Variants in PRR16 observed in about 807,000 individuals in gnomAD.
PRR16 encodes proline rich 16, also known as protein Largen.
A neutral mutation model predicts 18.2 loss-of-function variants in PRR16; 6 were observed. The observed-to-expected ratio is 0.33, with a 90% CI of 0.18 to 0.65. The LOEUF (loss-of-function observed/expected upper bound fraction) is 0.65. Among genes scored for constraint, PRR16 ranks in the 30% least tolerant of loss-of-function variants. The probability of loss-of-function intolerance (pLI) is 0.74; values close to 1 mark genes in which losing one functional copy is unlikely to be tolerated. For missense variants in PRR16, 412 were observed against 376.6 expected (o/e 1.09, Z -0.78); for synonymous variants, 151 against 147.8 (o/e 1.02, Z -0.16).
At chr5:120,692,025 G>A (rs1041510703), downstream of PRR16, among the ~76,000 whole-genome samples, 36 of 152,070 alleles carry the variant, frequency 2.4e-4, no homozygotes, top group African/African-American at 7.7e-4. Context: ...CATGATCTTA[G>A]GGCCAGTAAG....
intron 1 of PRR16, among the ~76,000 whole-genome samples, chr5:120,541,989 C>A (rs569586206): frequency 1.3e-5 from 2 of 151,768 alleles, no homozygotes; most frequent in African/African-American, 4.8e-5. Context: ...AGCAATATAG[C>A]TTCTTGATAC....
intron 1 of PRR16, among the ~76,000 whole-genome samples, chr5:120,603,263 A>G (rs1460559112): frequency 6.6e-6 from 1 of 152,018 alleles, no homozygotes. Context: ...TGTTCAAGAT[A>G]TGAGTTTGTT....
At chr5:120,704,223 AG>A in the PRR16 span, among the ~76,000 whole-genome samples, 3 of 152,230 alleles carry the variant, frequency 2.0e-5, no homozygotes, top group Non-Finnish European at 4.4e-5. Flanking sequence ...GATTCTGAGC[AG>A]ATAGTGCTAT....
At chr5:120,760,923 G>T in the PRR16 span, among the ~76,000 whole-genome samples, 1 of 151,874 alleles carries the variant, frequency 6.6e-6, no homozygotes, top group South Asian at 2.1e-4. Flanking sequence ...TTCTCTATTT[G>T]TATCCTGAGA....
chr5:120,724,681 C>T, the PRR16 span, among the ~76,000 whole-genome samples: 1 of 152,026 alleles, frequency 6.6e-6, no homozygotes, highest in African/African-American at 2.4e-5. Context: ...GTCACTCCTT[C>T]AGGGGACCTT....
chr5:120,668,058 A>G (rs1241787794), intron 1 of PRR16, among the ~76,000 whole-genome samples: 5 of 151,534 alleles, frequency 3.3e-5, no homozygotes, highest in African/African-American at 4.9e-5. Context: ...GTGGGATGTT[A>G]AAGTCTCCCA....
chr5:120,528,103 A>T (rs1298369790), intron 1 of PRR16, among the ~76,000 whole-genome samples: 1 of 152,200 alleles, frequency 6.6e-6, no homozygotes, highest in Non-Finnish European at 1.5e-5. Flanking sequence ...CCTGCCATGC[A>T]ATGTTGAACA....
At chr5:120,755,412 G>A in the PRR16 span, among the ~76,000 whole-genome samples, 3 of 151,846 alleles carry the variant, frequency 2.0e-5, no homozygotes, top group Non-Finnish European at 2.9e-5. Flanking sequence ...AGTCTCCAGA[G>A]TCTATTGTTG....
At chr5:120,699,332 C>G in the PRR16 span, among the ~76,000 whole-genome samples, 2 of 152,048 alleles carry the variant, frequency 1.3e-5, no homozygotes, top group Non-Finnish European at 2.9e-5. Context: ...CTGGTGGAAC[C>G]GCCGTCAATA....
At chr5:120,691,578 G>A (rs956337781), downstream of PRR16, among the ~76,000 whole-genome samples, 2 of 151,996 alleles carry the variant, frequency 1.3e-5, no homozygotes, top group African/African-American at 4.8e-5. Context: ...TGTTTCATTT[G>A]TGAATTTCAT....
At chr5:120,754,155 T>TATATAATATATAA in the PRR16 span, among the ~76,000 whole-genome samples, 3 of 30,472 alleles carry the variant, frequency 9.8e-5, no homozygotes, top group East Asian at 3.1e-3. Flanking sequence ...AATATATAAA[T>TATATAATATATAA]ATGATATATA....
intron 1 of PRR16, among the ~76,000 whole-genome samples, chr5:120,491,400 A>C (rs887876355): frequency 1.5e-4 from 23 of 149,616 alleles, no homozygotes; most frequent in African/African-American, 5.8e-4. Context: ...CTTAGGTACA[A>C]GATCTAAAGG....
intron 1 of PRR16, among the ~76,000 whole-genome samples, chr5:120,630,213 A>C (rs567462406): frequency 1.3e-5 from 2 of 151,958 alleles, no homozygotes; most frequent in South Asian, 4.2e-4. Context: ...TAATATATCT[A>C]TATTTATCCA....
the PRR16 span, among the ~76,000 whole-genome samples, chr5:120,782,554 C>A: frequency 6.6e-6 from 1 of 152,042 alleles, no homozygotes; most frequent in Non-Finnish European, 1.5e-5. Flanking sequence ...ATGCTGCTTC[C>A]CTCTATCTCA....
chr5:120,733,543 T>G, the PRR16 span, among the ~76,000 whole-genome samples: 1 of 152,130 alleles, frequency 6.6e-6, no homozygotes, highest in Admixed American at 6.6e-5. Flanking sequence ...TGTGCAAAAT[T>G]TCTACCTGTA....
chr5:120,575,604 A>G (rs1040467445), intron 1 of PRR16, among the ~76,000 whole-genome samples: 2 of 152,126 alleles, frequency 1.3e-5, no homozygotes, highest in Non-Finnish European at 2.9e-5. Flanking sequence ...AAAAATCAAC[A>G]TTCTTTTATG....
At chr5:120,620,107 T>C (rs1754638857) in intron 1 of PRR16, among the ~76,000 whole-genome samples, 1 of 152,166 alleles carries the variant, frequency 6.6e-6, no homozygotes, top group African/African-American at 2.4e-5. Flanking sequence ...CACAATAAAT[T>C]GGCAAGTCAT....
rs372467907 is a variant in PRR16, at chr5:120,464,592, G to A, written c.106G>A (p.Asp36Asn). Reference protein sequence around the residue: ...VKEQIKIIVEDLELVLGDLKD... With the variant: ...VKEQIKIIVENLELVLGDLKD... ...GGAACAGATCAAGATCATCGTGGAG[G>A]ATTTGGAATTAGTCCTGGGCGACCT... The change falls in exon 1 of 2, where the codon GAT (aspartate) becomes AAT (asparagine). Residue 36 changes from aspartate to asparagine, a missense_variant. Physicochemically the swap from Asp to Asn is conservative, Grantham distance 23. Transcript: ENST00000407149. 3.0e-5 allele frequency: 47 copies of A among 1,583,350 alleles called. No homozygotes were observed. The highest frequency in any genetic ancestry group is 3.8e-5 in the Non-Finnish European group (44 of 1,172,934).
intron 1 of PRR16, among the ~76,000 whole-genome samples, chr5:120,510,473 AT>A (rs1750792227): frequency 6.6e-6 from 1 of 152,204 alleles, no homozygotes; most frequent in Non-Finnish European, 1.5e-5. Context: ...AGAGCCTGCT[AT>A]CTGTGAGAGA....
Sources: allele counts gnomAD v4.1 joint callset (sites outside exome capture counted in the v4.1 genomes callset), GRCh38; gene constraint gnomAD v4.1.1; transcripts MANE v1.5; gene names NCBI Gene and HGNC (gene_info 2026-07-23, HGNC 2026-07-21).